The following FHIP1A variants were observed in gnomAD, a reference collection of about 807,000 sequenced individuals.
The protein encoded by FHIP1A is FHF complex subunit HOOK-interacting protein 1A.
Under a neutral mutation model 88.6 loss-of-function variants are expected in FHIP1A, and 61 were observed. The observed-to-expected ratio is 0.69, with a 90% CI of 0.56 to 0.85. The LOEUF (loss-of-function observed/expected upper bound fraction) is 0.85, where lower values mean the gene tolerates loss of function less well. Among genes scored for constraint, FHIP1A ranks in the 40% least tolerant of loss-of-function variants. FHIP1A has a pLI of 0.00. For synonymous variants in FHIP1A, 478 were observed against 496.0 expected, an observed-to-expected ratio of 0.96 and a Z score of 0.48; for missense variants, 1,154 against 1,273.5, an observed-to-expected ratio of 0.91 and a Z score of 1.43.
intron 3 of FHIP1A, 128 bp downstream of exon 3, chr4:151,482,776 A>T (rs1031882515): frequency 1.3e-5 from 2 of 151,964 alleles, no homozygotes; most frequent in African/African-American, 4.8e-5. Context: ...CTTGTTTAAA[A>T]TGTCTTAGGG....
chr4:151,486,967 T>TA (rs72527669), intron 3 of FHIP1A, among the ~76,000 whole-genome samples: 73,687 of 143,908 alleles, frequency 0.51, 18,625 homozygotes, highest in Non-Finnish European at 0.55. Context: ...AAACTCCATT[T>TA]AAAAAAAAAA....
rs1018780818 is a variant in FHIP1A, at chr4:151,540,241, A to G, written c.-122-25897A>G. Among the ~76,000 whole-genome samples, 5 of 152,328 alleles carry G rather than the reference A, an allele frequency of 3.3e-5. No individual in the cohort carries two copies. The South Asian group carries it at 8.3e-4, about 25-fold the overall frequency. ...TCTACAAACCATCATCCCAGTTGCA[A>G]TAGAGTTTCTGTAGTTCCATCCCAC... On this transcript the variant is annotated intron_variant, in intron 3 of 13. Coordinates refer to ENST00000435205, the MANE Select transcript of FHIP1A (RefSeq NM_001109977.3).
chr4:151,580,379 A>G (rs1166715456), intron 5 of FHIP1A, among the ~76,000 whole-genome samples: 3 of 152,334 alleles, frequency 2.0e-5, no homozygotes, highest in Middle Eastern at 3.4e-3. Flanking sequence ...GATGCTATGT[A>G]CTTATTGCAT....
chr4:151,472,622 G>GTT lies in FHIP1A; in HGVS notation c.-247-9886_-247-9885dup, dbSNP rs5862961. On this transcript the variant is annotated intron_variant, in intron 2 of 13. Coordinates refer to ENST00000435205, the MANE Select transcript of FHIP1A (RefSeq NM_001109977.3). ...TGGAATTTTTTCCTCTTGCCTTGCT[G>GTT]TTTTTTTTTTTTTTTTTGTAGCAAC... Among the ~76,000 whole-genome samples, 426 of 131,472 alleles carry GTT rather than the reference G, an allele frequency of 3.2e-3. 4 individuals carry two copies. Among genetic ancestry groups the GTT allele is most frequent in the African/African-American group, 8.6e-3 (309 of 35,748 alleles). The allele number at this position is 131,472 out of a possible 152,430, so 86.3% of individuals were successfully genotyped here.
intron 7 of FHIP1A, among the ~76,000 whole-genome samples, chr4:151,595,722 A>G (rs1390381497): frequency 6.6e-6 from 1 of 152,220 alleles, no homozygotes; most frequent in Admixed American, 6.5e-5. Context: ...TATTGGGTGC[A>G]TATATATTTA....
intron 3 of FHIP1A, among the ~76,000 whole-genome samples, chr4:151,502,412 T>C (rs140046656): frequency 6.6e-6 from 1 of 151,860 alleles, no homozygotes; most frequent in East Asian, 1.9e-4. Context: ...TTTAAAAAAA[T>C]AGAAATTATA....
chr4:151,631,684 C>CA (rs1406714425), intron 8 of FHIP1A, among the ~76,000 whole-genome samples: 1 of 152,086 alleles, frequency 6.6e-6, no homozygotes, highest in African/African-American at 2.4e-5. Flanking sequence ...GGTTGTAGCA[C>CA]AAAGCCAAGA....
rs367614218 is a variant in FHIP1A at position 151,465,724 on chromosome 4, C to A, written c.-248+10916C>A. 1.1e-4 allele frequency among the ~76,000 whole-genome samples: 16 copies of A among 152,298 alleles called. No homozygotes were observed. In the East Asian group the frequency reaches 3.1e-3, roughly 29 times the overall value. On this transcript the variant is annotated intron_variant, in intron 2 of 13. Transcript: ENST00000435205. ...GGATGCAAAGCTGGTTCAACAAACACAAATCAATAAAAGTAACCCATCACA... is the reference window on the plus strand; with the variant it reads ...GGATGCAAAGCTGGTTCAACAAACAAAAATCAATAAAAGTAACCCATCACA...
rs1376181033 is a variant in FHIP1A, at chr4:151,668,925, C to T, written c.*6171C>T. 6.6e-6 allele frequency among the ~76,000 whole-genome samples: 1 copy of T among 152,210 alleles called. No homozygotes were observed. Among genetic ancestry groups the T allele is most frequent in the Non-Finnish European group, 1.5e-5 (1 of 68,042 alleles). ...TTCTAGTCAGAGCCTCAGCATTATA[C>T]ACCCAGCCTACAGGTGTGTGGATTC... On this transcript the variant is annotated 3_prime_UTR_variant, in exon 14 of 14. Transcript: ENST00000435205.
chr4:151,489,015 A>T (rs373954451), intron 3 of FHIP1A, among the ~76,000 whole-genome samples: 12 of 152,208 alleles, frequency 7.9e-5, no homozygotes, highest in Non-Finnish European at 1.2e-4. Flanking sequence ...TTTTGCTCCA[A>T]GAACCACCAC....
intron 3 of FHIP1A, among the ~76,000 whole-genome samples, chr4:151,515,123 A>G (rs1309064530): frequency 1.3e-5 from 2 of 152,226 alleles, no homozygotes; most frequent in Non-Finnish European, 2.9e-5. Context: ...AGTGGGCTTC[A>G]TCCCTGGGAT....
intron 5 of FHIP1A, among the ~76,000 whole-genome samples, chr4:151,584,656 A>G (rs1190679994): frequency 6.6e-6 from 1 of 151,914 alleles, no homozygotes; most frequent in Non-Finnish European, 1.5e-5. Context: ...TGGGCTCTCC[A>G]TTTGGATGCC....
At chr4:151,515,391 C>A (rs554533465) in intron 3 of FHIP1A, among the ~76,000 whole-genome samples, 1 of 151,816 alleles carries the variant, frequency 6.6e-6, no homozygotes, top group Admixed American at 6.6e-5. Flanking sequence ...TGAAAAGTGG[C>A]ACAAGACAGG....
chr4:151,518,224 C>T (rs1459812844), intron 3 of FHIP1A, among the ~76,000 whole-genome samples: 1 of 152,066 alleles, frequency 6.6e-6, no homozygotes, highest in East Asian at 1.9e-4. Flanking sequence ...GCTTTAGATA[C>T]ACAAATATTT....
chr4:151,416,567 A>C (rs970721866), intron 1 of FHIP1A, among the ~76,000 whole-genome samples: 2 of 152,180 alleles, frequency 1.3e-5, no homozygotes, highest in African/African-American at 2.4e-5. Context: ...ATGTTTTAAA[A>C]GTATGATCTT....
intron 5 of FHIP1A, among the ~76,000 whole-genome samples, chr4:151,585,108 T>G (rs1247041041): frequency 6.6e-6 from 1 of 152,196 alleles, no homozygotes; most frequent in Non-Finnish European, 1.5e-5. Flanking sequence ...TTATATTTTC[T>G]TGAATGTTTC....
At chr4:151,524,905 A>T (rs1013754928) in intron 3 of FHIP1A, among the ~76,000 whole-genome samples, 2 of 152,192 alleles carry the variant, frequency 1.3e-5, no homozygotes, top group Admixed American at 1.3e-4. Flanking sequence ...TTGAACTAAG[A>T]TACTATAATA....
chr4:151,424,465 T>C (rs1733290707), intron 1 of FHIP1A, among the ~76,000 whole-genome samples: 3 of 152,014 alleles, frequency 2.0e-5, no homozygotes, highest in Admixed American at 6.6e-5. Context: ...ACCAAAGGCA[T>C]GGAATCTAGA....
At chr4:151,453,456 G>C (rs1279354890) in intron 1 of FHIP1A, among the ~76,000 whole-genome samples, 1 of 152,102 alleles carries the variant, frequency 6.6e-6, no homozygotes, top group East Asian at 1.9e-4. Flanking sequence ...ATCTACAATA[G>C]GGATAATAAT....
Sources: gnomAD v4.1 joint callset for allele counts (sites outside exome capture counted in the v4.1 genomes callset) on GRCh38, gnomAD v4.1.1 for gene constraint, MANE v1.5 for transcripts, NCBI Gene and HGNC (gene_info 2026-07-23, HGNC 2026-07-21) for gene names.